Variants in GPC6 observed in about 807,000 individuals in gnomAD.
GPC6 encodes the protein glypican 6, also known as glypican-6.
Under a neutral mutation model 55.2 loss-of-function variants are expected in GPC6, and 14 were observed. The ratio of observed to expected loss-of-function variants is 0.25; its 90% CI spans 0.17 to 0.40. GPC6 has a LOEUF of 0.40. GPC6 is among the 10% of genes least tolerant of loss of function. The pLI is 1.00. For missense variants in GPC6, 641 were observed against 708.5 expected, an observed-to-expected ratio of 0.90 and a Z score of 1.08; for synonymous variants, 278 against 259.6, an observed-to-expected ratio of 1.07 and a Z score of -0.68.
intron 2 of GPC6, among the ~76,000 whole-genome samples, chr13:93,601,242 G>A (rs914480575): frequency 6.6e-6 from 1 of 151,858 alleles, no homozygotes; most frequent in Admixed American, 6.6e-5. Flanking sequence ...AAATTAACCA[G>A]GTGTGATGGT....
intron 3 of GPC6, among the ~76,000 whole-genome samples, chr13:93,871,831 A>G (rs866664527): frequency 1.3e-5 from 2 of 151,982 alleles, no homozygotes; most frequent in East Asian, 1.9e-4. Flanking sequence ...GCACAAAATT[A>G]TGGTGATGGA....
At chr13:93,310,235 T>C (rs1879018246) in intron 1 of GPC6, among the ~76,000 whole-genome samples, 1 of 152,198 alleles carries the variant, frequency 6.6e-6, no homozygotes, top group South Asian at 2.1e-4. Flanking sequence ...TATTTTTCAA[T>C]GCTCAGGAAA....
chr13:93,310,632 T>G (rs1414647815), intron 1 of GPC6, among the ~76,000 whole-genome samples: 1 of 152,222 alleles, frequency 6.6e-6, no homozygotes, highest in East Asian at 1.9e-4. Flanking sequence ...TTTTCCGGTT[T>G]TGGAAAGTTA....
chr13:94,172,035 A>G (rs1469209926), intron 4 of GPC6, among the ~76,000 whole-genome samples: 2 of 152,184 alleles, frequency 1.3e-5, no homozygotes, highest in Admixed American at 1.3e-4. Flanking sequence ...AATAGTTTGG[A>G]AAGACAGTGA....
chr13:93,785,160 C>T (rs536311567), intron 2 of GPC6, among the ~76,000 whole-genome samples: 1 of 152,146 alleles, frequency 6.6e-6, no homozygotes, highest in Admixed American at 6.5e-5. Flanking sequence ...AATTACGATT[C>T]TAGGTGACAA....
chr13:94,363,454 G>A (rs980966125), intron 6 of GPC6, among the ~76,000 whole-genome samples: 2 of 152,196 alleles, frequency 1.3e-5, no homozygotes, highest in African/African-American at 4.8e-5. Context: ...GGGGTATGGA[G>A]CAGGGGCAGG....
intron 5 of GPC6, among the ~76,000 whole-genome samples, chr13:94,295,158 T>C (rs1396451403): frequency 6.6e-6 from 1 of 152,156 alleles, no homozygotes; most frequent in Non-Finnish European, 1.5e-5. Flanking sequence ...GATCTAGTTG[T>C]TCTATGTTGT....
intron 4 of GPC6, among the ~76,000 whole-genome samples, chr13:94,107,342 G>A (rs930241464): frequency 6.6e-6 from 1 of 152,150 alleles, no homozygotes; most frequent in Non-Finnish European, 1.5e-5. Flanking sequence ...GTTAGGAACT[G>A]TCCTTGCCTT....
intron 6 of GPC6, among the ~76,000 whole-genome samples, chr13:94,374,874 G>A (rs1434619390): frequency 7.2e-6 from 1 of 138,814 alleles, no homozygotes; most frequent in Non-Finnish European, 1.5e-5. Flanking sequence ...TCAGACCACA[G>A]TGCAATCAAA....
At chr13:94,345,824 C>T (rs539850191) in intron 6 of GPC6, among the ~76,000 whole-genome samples, 1 of 152,284 alleles carries the variant, frequency 6.6e-6, no homozygotes, top group South Asian at 2.1e-4. Context: ...AACGGAGTGG[C>T]TTAATACAAG....
At chr13:93,925,293 T>C (rs1877798905) in intron 3 of GPC6, among the ~76,000 whole-genome samples, 1 of 152,188 alleles carries the variant, frequency 6.6e-6, no homozygotes, top group South Asian at 2.1e-4. Context: ...TTTTTAATCC[T>C]AGTGTAGAGA....
At position 93,826,376 on chromosome 13, in the gene GPC6, C is replaced by T. The variant is rs554304009; in HGVS notation, c.320-3778C>T. Among the ~76,000 whole-genome samples the T allele has an allele frequency of 1.8e-3, 279 of 152,288 alleles. 2 individuals carry two copies. Among genetic ancestry groups the T allele is most frequent in the African/African-American group, 6.2e-3 (256 of 41,566 alleles). On this transcript the variant is annotated intron_variant, in intron 2 of 8. Transcript: ENST00000377047. ...AAGGAAGGAAACAGCATACCTGCTT[C>T]CCACAGTAGGACAAGTGCTATAATC...
chr13:94,120,979 T>TGA (rs1242437614), intron 4 of GPC6, among the ~76,000 whole-genome samples: 1 of 152,098 alleles, frequency 6.6e-6, no homozygotes, highest in Admixed American at 6.6e-5. Flanking sequence ...TTAAAATGTC[T>TGA]GAGAGTGACC....
chr13:93,220,366 T>C, the GPC6 span, among the ~76,000 whole-genome samples: 1 of 152,224 alleles, frequency 6.6e-6, no homozygotes, highest in South Asian at 2.1e-4. Flanking sequence ...GCAAGAAGCA[T>C]GGTTTTAATA....
In GPC6 at chr13:93,271,524, G is replaced by T. The variant is rs191780135; in HGVS notation, c.160+43908G>T. ...GTGACATGTATCAGATACAGCTTTA[G>T]AGTATAGATGTACTCTTACACAGAG... is the stretch of plus-strand genomic sequence containing the variant. On this transcript the variant is annotated intron_variant, in intron 1 of 8. Transcript: ENST00000377047. Among the ~76,000 whole-genome samples, 7 of 151,966 alleles carry T rather than the reference G, an allele frequency of 4.6e-5. No individual in the cohort carries two copies. In the East Asian group the frequency reaches 1.4e-3, roughly 29 times the overall value.
intron 4 of GPC6, among the ~76,000 whole-genome samples, chr13:94,246,289 T>C (rs942785280): frequency 7.9e-5 from 12 of 152,118 alleles, no homozygotes; most frequent in Non-Finnish European, 1.8e-4. Flanking sequence ...GGTTTGTAAA[T>C]ATTTTTTCTC....
chr13:94,186,824 C>T (rs1889207498), intron 4 of GPC6: 1 of 152,182 alleles, frequency 6.6e-6, no homozygotes, highest in African/African-American at 2.4e-5. Flanking sequence ...GGATACTGCC[C>T]TCTGCATACA....
At chr13:93,855,366 C>T (rs1888562299) in intron 3 of GPC6, among the ~76,000 whole-genome samples, 1 of 151,522 alleles carries the variant, frequency 6.6e-6, no homozygotes, top group South Asian at 2.1e-4. Flanking sequence ...TAGCTCATTT[C>T]CTTTTAAGAT....
intron 3 of GPC6, among the ~76,000 whole-genome samples, chr13:93,872,235 C>A (rs772593304): frequency 6.6e-6 from 1 of 151,998 alleles, no homozygotes; most frequent in South Asian, 2.1e-4. Flanking sequence ...TAAAATTTGC[C>A]AGTAAAAAAC....
Sources: allele counts gnomAD v4.1 joint callset (sites outside exome capture counted in the v4.1 genomes callset), GRCh38; gene constraint gnomAD v4.1.1; transcripts MANE v1.5; gene names NCBI Gene and HGNC (gene_info 2026-07-23, HGNC 2026-07-21).